The following NBPF8 variants were observed in gnomAD, a reference collection of about 807,000 sequenced individuals.
NBPF8 encodes NBPF family member NBPF8.
chr1:120,434,515 C>A (rs1383856196), upstream of NBPF8, among the ~76,000 whole-genome samples: 2 of 148,882 alleles, frequency 1.3e-5, no homozygotes, highest in Non-Finnish European at 3.0e-5. Context: ...CCAGCCCTCA[C>A]CCCATGACAG....
At chr1:120,461,026 G>GTT (rs1248677469) in intron 18 of NBPF8, among the ~76,000 whole-genome samples, 1 of 81,862 alleles carries the variant, frequency 1.2e-5, no homozygotes, top group Non-Finnish European at 2.4e-5. Context: ...CTGTGTGTGT[G>GTT]TGTGTGTGTG....
intron 24 of NBPF8, 119 bp from the exon 23 acceptor site, chr1:120,465,859 T>G: frequency 6.2e-7 from 1 of 1,607,644 alleles, no homozygotes; most frequent in Non-Finnish European, 8.5e-7. Context: ...TGTTACCTCA[T>G]TAATGGATCT....
chr1:120,435,616 G>T (rs1661048125), upstream of NBPF8, among the ~76,000 whole-genome samples: 2 of 148,920 alleles, frequency 1.3e-5, no homozygotes, highest in Non-Finnish European at 3.0e-5. Flanking sequence ...GGCCGAGGCG[G>T]CAGATCACGA....
chr1:120,418,915 A>G (rs1459595176), upstream of NBPF8, among the ~76,000 whole-genome samples: 451 of 151,848 alleles, frequency 3.0e-3, 1 homozygote, highest in Non-Finnish European at 5.3e-3. Flanking sequence ...TACAGCTATT[A>G]TTTATGAATA....
chr1:120,428,314 C>T (rs1190194363), intron 3 of NBPF8, among the ~76,000 whole-genome samples: 11 of 152,222 alleles, frequency 7.2e-5, no homozygotes, highest in African/African-American at 4.8e-5. Context: ...TTCAACTGGA[C>T]GCCTTAGGAT....
At chr1:120,419,670 G>A (rs1390977642), upstream of NBPF8, among the ~76,000 whole-genome samples, 3 of 142,948 alleles carry the variant, frequency 2.1e-5, no homozygotes, top group East Asian at 2.1e-4. Context: ...CTATGTTGCC[G>A]AGGCTGGTGA....
intron 20 of NBPF8, among the ~76,000 whole-genome samples, 192 bp from the exon 19 acceptor site, chr1:120,462,602 C>T (rs1236371531): frequency 1.0e-5 from 1 of 97,192 alleles, no homozygotes; most frequent in Non-Finnish European, 2.1e-5. Context: ...CTCCCTCTCC[C>T]TGTCTTTCTC....
chr1:120,433,902 C>T (rs1193165334), upstream of NBPF8: 1 of 162,656 alleles, frequency 6.1e-6, no homozygotes, highest in Non-Finnish European at 1.4e-5. Flanking sequence ...CATGACAAAG[C>T]TTGACCAGTC....
intron 3 of NBPF8, among the ~76,000 whole-genome samples, chr1:120,430,543 A>G (rs1299527893): frequency 1.6e-5 from 2 of 125,528 alleles, no homozygotes; most frequent in East Asian, 3.9e-4. Context: ...TCATGAGGTC[A>G]GGAGATGGAG....
upstream of NBPF8, among the ~76,000 whole-genome samples, chr1:120,416,716 CATT>C (rs1330896837): frequency 6.7e-6 from 1 of 148,338 alleles, no homozygotes; most frequent in African/African-American, 2.5e-5. Context: ...GTAGGAGTGA[CATT>C]GTTGGTTTTA....
At chr1:120,467,559 C>T (rs1448221470) in exon 25 of NBPF8, 2 of 123,650 alleles carry the variant, frequency 1.6e-5, no homozygotes, top group South Asian at 3.1e-4. Flanking sequence ...TTAATCCTCC[C>T]TGCCTGTGTC....
exon 15 of NBPF8, chr1:120,454,106 T>A (rs1661365664): frequency 6.2e-7 from 1 of 1,612,766 alleles, no homozygotes; most frequent in African/African-American, 1.3e-5. Context: ...GCTGTACACA[T>A]TATTCCAGGT....
chr1:120,431,300 G>T, intron 3 of NBPF8, among the ~76,000 whole-genome samples: 1 of 105,270 alleles, frequency 9.5e-6, no homozygotes, highest in Non-Finnish European at 1.9e-5. Context: ...CCGTTTTGAA[G>T]ATTATCATCT....
At chr1:120,455,880 T>A (rs1312800725) in intron 16 of NBPF8, among the ~76,000 whole-genome samples, 1 of 152,184 alleles carries the variant, frequency 6.6e-6, no homozygotes, top group Admixed American at 6.5e-5. Flanking sequence ...ATTTTAGATC[T>A]TTTCTGCTTT....
intron 12 of NBPF8, among the ~76,000 whole-genome samples, chr1:120,451,739 C>T (rs1275481134): frequency 1.3e-5 from 2 of 148,546 alleles, no homozygotes. Context: ...CACCTGGCCT[C>T]ATTTCTGTAC....
intron 1 of NBPF8, among the ~76,000 whole-genome samples, chr1:120,421,882 C>A (rs1445201015): frequency 6.6e-6 from 1 of 152,058 alleles, no homozygotes; most frequent in Non-Finnish European, 1.5e-5. Context: ...ACTGAGGCTG[C>A]TTCTGCCTAA....
chr1:120,415,886 T>G (rs2101359925), upstream of NBPF8, among the ~76,000 whole-genome samples: 1 of 152,346 alleles, frequency 6.6e-6, no homozygotes, highest in African/African-American at 2.4e-5. Flanking sequence ...CCTGTATCTG[T>G]CTTTCTGGCT....
chr1:120,466,317 G>A, exon 25 of NBPF8: 1 of 1,527,106 alleles, frequency 6.5e-7, no homozygotes, highest in Non-Finnish European at 8.9e-7. Context: ...TGGAAGCCCA[G>A]ACATAGGATG....
intron 15 of NBPF8, among the ~76,000 whole-genome samples, chr1:120,455,122 A>G (rs1383147211): frequency 6.6e-6 from 1 of 150,786 alleles, no homozygotes; most frequent in Non-Finnish European, 1.5e-5. Flanking sequence ...TTGTTTGACC[A>G]ATTTTTGGAG....
Sources: gnomAD v4.1 joint callset for allele counts (sites outside exome capture counted in the v4.1 genomes callset) on GRCh38, gnomAD v4.1.1 for gene constraint, MANE v1.5 for transcripts, NCBI Gene and HGNC (gene_info 2026-07-23, HGNC 2026-07-21) for gene names.